Variants in CYP2C19 observed in about 807,000 individuals in gnomAD.
CYP2C19 encodes cytochrome P450 2C19.
Under a neutral mutation model 40.9 loss-of-function variants are expected in CYP2C19, and 59 were observed. The ratio of observed to expected loss-of-function variants is 1.44; its 90% CI spans 1.17 to 1.79. The LOEUF (loss-of-function observed/expected upper bound fraction) is 1.79. Among genes scored for constraint, CYP2C19 ranks in the 40% most tolerant of loss-of-function variants. The pLI is 0.00. For missense variants in CYP2C19, 754 were observed against 596.9 expected (o/e 1.26, Z -2.74); for synonymous variants, 253 against 208.7 (o/e 1.21, Z -1.83).
chr10:94,810,485 G>A (rs1165287848), intron 5 of CYP2C19, among the ~76,000 whole-genome samples: 2 of 152,022 alleles, frequency 1.3e-5, no homozygotes, highest in African/African-American at 4.8e-5. Context: ...TGTACCTCTG[G>A]TAGAATTCGG....
At chr10:94,829,254 A>G (rs962673448) in intron 6 of CYP2C19, among the ~76,000 whole-genome samples, 1 of 152,134 alleles carries the variant, frequency 6.6e-6, no homozygotes, top group African/African-American at 2.4e-5. Flanking sequence ...TATCCTGCAG[A>G]GTGTTTTCCA....
chr10:94,803,114 G>A (rs1390315590), intron 5 of CYP2C19, among the ~76,000 whole-genome samples: 1 of 151,984 alleles, frequency 6.6e-6, no homozygotes, highest in African/African-American at 2.4e-5. Flanking sequence ...GTCTTTTGGT[G>A]GTTTTACAAT....
chr10:94,763,924 CT>C (rs1040086219), intron 1 of CYP2C19, among the ~76,000 whole-genome samples: 1 of 152,050 alleles, frequency 6.6e-6, no homozygotes, highest in Non-Finnish European at 1.5e-5. Flanking sequence ...GAGTTTCTTC[CT>C]TCTGCTGGGT....
intron 3 of CYP2C19, 85 bp from the exon 4 acceptor site, chr10:94,780,414 C>A (rs1208971797): frequency 6.6e-7 from 1 of 1,524,964 alleles, no homozygotes; most frequent in Non-Finnish European, 8.8e-7. Context: ...CTTAAAATTT[C>A]TAAACTATTA....
In CYP2C19 at chr10:94,815,643, C is replaced by G. The variant is rs137935233; in HGVS notation, c.820-4853C>G. ...GTCCTTATTCTCCATCTTCATCATT[C>G]TCCTTTCTCTTCACTTTGTATATTT... On this transcript the variant is annotated intron_variant, in intron 5 of 8. Coordinates refer to ENST00000371321, the MANE Select transcript of CYP2C19 (RefSeq NM_000769.4). Among the ~76,000 whole-genome samples, 475 of 152,310 alleles carry G rather than the reference C, an allele frequency of 3.1e-3. 3 individuals carry two copies. Among genetic ancestry groups the G allele is most frequent in the African/African-American group, 0.011 (452 of 41,570 alleles).
chr10:94,809,169 G>A (rs11597811), intron 5 of CYP2C19, among the ~76,000 whole-genome samples: 30,617 of 151,976 alleles, frequency 0.2, 3,280 homozygotes, highest in Middle Eastern at 0.23. Flanking sequence ...TTTTATTTGC[G>A]CTTCTCAGAT....
chr10:94,821,027 G>T (rs941567618), intron 6 of CYP2C19, among the ~76,000 whole-genome samples: 5 of 152,146 alleles, frequency 3.3e-5, no homozygotes, highest in Admixed American at 1.3e-4. Context: ...AGGTTGCAGT[G>T]AGCCAAGATT....
chr10:94,790,966 G>A (rs1212195828), intron 5 of CYP2C19, among the ~76,000 whole-genome samples: 2 of 152,086 alleles, frequency 1.3e-5, no homozygotes, highest in Admixed American at 1.3e-4. Context: ...TTGTACCTCT[G>A]GTGGAATTCA....
chr10:94,834,422 G>A (rs1849371030), intron 6 of CYP2C19, among the ~76,000 whole-genome samples: 1 of 151,178 alleles, frequency 6.6e-6, no homozygotes, highest in African/African-American at 2.4e-5. Context: ...TGTCAATTTT[G>A]TTTAATTTCT....
At chr10:94,811,433 C>A (rs1848921707) in intron 5 of CYP2C19, among the ~76,000 whole-genome samples, 1 of 151,758 alleles carries the variant, frequency 6.6e-6, no homozygotes, top group African/African-American at 2.4e-5. Flanking sequence ...TCCTGGAGAT[C>A]CTTGTTAAAT....
intron 6 of CYP2C19, among the ~76,000 whole-genome samples, chr10:94,823,199 T>G (rs1388123960): frequency 6.6e-6 from 1 of 152,092 alleles, no homozygotes; most frequent in Non-Finnish European, 1.5e-5. Flanking sequence ...GGGTCAAATA[T>G]GGTAGAGAAT....
chr10:94,833,540 G>A (rs183462998), intron 6 of CYP2C19, among the ~76,000 whole-genome samples: 206 of 152,078 alleles, frequency 1.4e-3, no homozygotes, highest in African/African-American at 3.1e-3. Context: ...ATGCTGGTGC[G>A]CTGCACCCAA....
intron 5 of CYP2C19, among the ~76,000 whole-genome samples, chr10:94,799,459 T>C (rs1489000164): frequency 1.3e-5 from 2 of 152,186 alleles, no homozygotes; most frequent in African/African-American, 4.8e-5. Flanking sequence ...TCAACTTTGG[T>C]GAATCTGACA....
At chr10:94,801,990 T>C (rs1848772477) in intron 5 of CYP2C19, among the ~76,000 whole-genome samples, 1 of 152,178 alleles carries the variant, frequency 6.6e-6, no homozygotes, top group Non-Finnish European at 1.5e-5. Flanking sequence ...TTTGACATCA[T>C]GGAAGGAGAC....
At chr10:94,838,577 A>T (rs1012628671) in intron 6 of CYP2C19, among the ~76,000 whole-genome samples, 2 of 152,062 alleles carry the variant, frequency 1.3e-5, no homozygotes, top group African/African-American at 4.8e-5. Context: ...TGGAGGGGGC[A>T]TAATCAGGGA....
At chr10:94,765,945 C>G (rs1848235641) in intron 1 of CYP2C19, among the ~76,000 whole-genome samples, 1 of 152,042 alleles carries the variant, frequency 6.6e-6, no homozygotes, top group Admixed American at 6.5e-5. Flanking sequence ...TTTGTAGTTA[C>G]AAGGCTGTGT....
In CYP2C19 at chr10:94,781,912, T is replaced by C; in HGVS notation, c.734T>C (p.Leu245Ser). The C allele has an allele frequency of 1.3e-6, 2 of 1,503,314 alleles. No homozygotes were observed. The highest frequency in any genetic ancestry group is 1.8e-6 in the Non-Finnish European group (2 of 1,138,198). 93.1% of individuals were successfully genotyped at this position (1,503,314 alleles called of 1,614,324 possible). Reference sequence around the variant, plus strand: ...CTTGCTTTTATGGAAAGTGATATTTTGGAGAAAGTAAAAGAACACCAAGAA... The same window carrying C: ...CTTGCTTTTATGGAAAGTGATATTTCGGAGAAAGTAAAAGAACACCAAGAA... ...KNLAFMESDILEKVKEHQESM... is the reference protein window; with the variant it reads ...KNLAFMESDISEKVKEHQESM... Residue 245 changes from leucine (L) to serine (S), a missense_variant, in exon 5 of 9, where the codon TTG becomes TCG. Physicochemically the swap from Leu to Ser is moderately radical, Grantham distance 145. Transcript: ENST00000371321.
At chr10:94,768,213 G>A (rs550459467) in intron 1 of CYP2C19, among the ~76,000 whole-genome samples, 1 of 152,206 alleles carries the variant, frequency 6.6e-6, no homozygotes, top group Non-Finnish European at 1.5e-5. Context: ...CAGTTCTAAG[G>A]CTCGGGTAAG....
intron 5 of CYP2C19, among the ~76,000 whole-genome samples, chr10:94,813,087 C>T (rs1315910412): frequency 1.3e-5 from 2 of 151,586 alleles, no homozygotes; most frequent in Non-Finnish European, 1.5e-5. Context: ...GATGCTATTC[C>T]TTTCTGTTTG....
Sources: allele counts gnomAD v4.1 joint callset (sites outside exome capture counted in the v4.1 genomes callset), GRCh38; gene constraint gnomAD v4.1.1; transcripts MANE v1.5; gene names NCBI Gene and HGNC (gene_info 2026-07-23, HGNC 2026-07-21).